Variants in TBC1D16 observed in about 807,000 individuals in gnomAD.
The protein encoded by TBC1D16 is CTD-2529O21.1.
A neutral mutation model predicts 74.7 loss-of-function variants in TBC1D16; 58 were observed. The observed-to-expected ratio is 0.78, with a 90% CI of 0.63 to 0.97. The LOEUF (loss-of-function observed/expected upper bound fraction) is 0.97, where lower values mean the gene tolerates loss of function less well. Ranked by LOEUF, TBC1D16 falls within the 50% of genes least tolerant of loss-of-function variation. The pLI, the probability that TBC1D16 is intolerant of heterozygous loss-of-function variation, is 0.00. For missense variants in TBC1D16, 1,014 were observed against 1,079.5 expected (o/e 0.94, Z 0.85); for synonymous variants, 493 against 474.7 (o/e 1.04, Z -0.50).
intron 1 of TBC1D16, among the ~76,000 whole-genome samples, chr17:80,034,694 T>C (rs1365038901): frequency 6.6e-6 from 1 of 152,246 alleles, no homozygotes; most frequent in Admixed American, 6.5e-5. Context: ...CTTAAAAGTG[T>C]TTAGTATTCA....
chr17:79,974,519 T>C (rs953530894), intron 3 of TBC1D16, among the ~76,000 whole-genome samples: 1 of 152,190 alleles, frequency 6.6e-6, no homozygotes, highest in African/African-American at 2.4e-5. Context: ...ATTACAGGTG[T>C]GAGCCACTGT....
chr17:80,019,781 TAATG>T (rs1055572902), intron 1 of TBC1D16, among the ~76,000 whole-genome samples: 2 of 149,804 alleles, frequency 1.3e-5, no homozygotes, highest in African/African-American at 5.1e-5. Flanking sequence ...TTGTGCCCTA[TAATG>T]AATGAGTTAA....
intron 3 of TBC1D16, among the ~76,000 whole-genome samples, chr17:80,004,218 C>T (rs1177993521): frequency 6.6e-6 from 1 of 152,222 alleles, no homozygotes. Flanking sequence ...TCTGTCTGCC[C>T]TGGCAGAAGC....
chr17:80,010,787 G>C lies in TBC1D16; in HGVS notation c.182-30C>G. The C allele has an allele frequency of 2.1e-6, 3 of 1,438,168 alleles. No individual in the cohort carries two copies. Among genetic ancestry groups the C allele is most frequent in the Non-Finnish European group, 2.8e-6 (3 of 1,089,006 alleles). The allele number at this position is 1,438,168 out of a possible 1,614,324, so 89.1% of individuals were successfully genotyped here. ...GAGGAGCCAGGGGGATGGCACGTTAGAGGCCAGGAGGCTGTGGATGAGGCC... is the reference window on the plus strand; with the variant it reads ...GAGGAGCCAGGGGGATGGCACGTTACAGGCCAGGAGGCTGTGGATGAGGCC... On this transcript the variant is annotated intron_variant, in intron 2 of 11. Transcript: ENST00000310924. This position sits in a 1 kb window ranked among gnomAD's most constrained non-coding sequence, Gnocchi z 8.8.
At chr17:79,952,118 C>G (rs932624321) in intron 4 of TBC1D16, 1 of 155,226 alleles carries the variant, frequency 6.4e-6, no homozygotes, top group Non-Finnish European at 1.4e-5. Context: ...GTCTGGGAAC[C>G]CCCCCAGCTT....
chr17:80,012,491 CT>C (rs935847955), intron 2 of TBC1D16, among the ~76,000 whole-genome samples: 1 of 152,084 alleles, frequency 6.6e-6, no homozygotes, highest in African/African-American at 2.4e-5. Flanking sequence ...ATAATTTAAA[CT>C]TTTGTCTTGT....
At position 80,008,241 on chromosome 17, in the gene TBC1D16, G is replaced by C. The variant is rs1198393011; in HGVS notation, c.779+1919C>G. On this transcript the variant is annotated intron_variant, in intron 3 of 11. Coordinates refer to ENST00000310924, the MANE Select transcript of TBC1D16 (RefSeq NM_019020.4). This position sits in a 1 kb window ranked among gnomAD's most constrained non-coding sequence, Gnocchi z 4.5. ...TGCATTCTCACAATACCCCCAGAAA[G>C]TGGATATTACCAGCCTCATCTTACA... is the stretch of plus-strand genomic sequence containing the variant. Among the ~76,000 whole-genome samples the C allele has an allele frequency of 6.6e-6, 1 of 152,148 alleles. No homozygotes were observed. Among genetic ancestry groups the C allele is most frequent in the Non-Finnish European group, 1.5e-5 (1 of 68,048 alleles).
intron 3 of TBC1D16, among the ~76,000 whole-genome samples, chr17:79,976,259 C>A (rs540911224): frequency 6.6e-6 from 1 of 152,190 alleles, no homozygotes; most frequent in Non-Finnish European, 1.5e-5. Context: ...TTGCTCACAC[C>A]GGCCCCTGCA....
intron 3 of TBC1D16, among the ~76,000 whole-genome samples, chr17:79,999,100 A>C (rs970477648): frequency 6.6e-6 from 1 of 152,060 alleles, no homozygotes; most frequent in African/African-American, 2.4e-5. Flanking sequence ...TAGTAAAAAT[A>C]CAAAAATTAG....
rs1344258348 is a variant in TBC1D16 at position 80,010,591 on chromosome 17, G to A, written c.348C>T (p.Thr116=). 1.4e-5 allele frequency: 23 copies of A among 1,591,590 alleles called. No homozygotes were observed. Among genetic ancestry groups the A allele is most frequent in the Non-Finnish European group, 2.0e-5 (23 of 1,171,404 alleles). ...RKAPRPRGRR[T]RSSGASHQPS... is the part of the protein sequence containing the mutation. ...GCTGGTGGGAGGCTCCTGAGCTCCG[G>A]GTGCGCCGGCCCCGAGGGCGGGGTG... The change falls in exon 3 of 12, where the codon ACC becomes ACT. Residue 116 remains threonine (T), a synonymous_variant. Transcript: ENST00000310924. This position sits in a 1 kb window ranked among gnomAD's most constrained non-coding sequence, Gnocchi z 8.8.
rs898612893 is a variant in TBC1D16 at position 79,936,923 on chromosome 17, T to C, written c.*3936A>G. The C allele has an allele frequency of 6.0e-3, 908 of 151,860 alleles. 3 individuals are homozygous for C. The highest frequency in any genetic ancestry group is 0.01 in the Middle Eastern group (3 of 294). 9.4% of individuals were successfully genotyped at this position (151,860 alleles called of 1,614,324 possible). A position where few individuals can be genotyped will look rare whatever the true frequency, so the allele number is the denominator to read the frequency against. On this transcript the variant is annotated 3_prime_UTR_variant, in exon 12 of 12. Transcript: ENST00000310924. ...GTGTGCATGTGCGTGTGTGTGTGTG[T>C]GTGTGTGTGTGTGTGTGCGCATTTT... is the stretch of plus-strand genomic sequence containing the variant.
chr17:80,019,049 CTG>C (rs765515999), intron 1 of TBC1D16, among the ~76,000 whole-genome samples: 11 of 150,252 alleles, frequency 7.3e-5, no homozygotes, highest in Non-Finnish European at 1.5e-4. Flanking sequence ...CCACCTCCTT[CTG>C]TGTTTCAAAT....
intron 7 of TBC1D16, 63 bp from the exon 8 acceptor site, chr17:79,949,069 A>G (rs919364115): frequency 6.2e-7 from 1 of 1,604,112 alleles, no homozygotes. Context: ...CGTGTGGCGC[A>G]CACACTGCAG....
intron 2 of TBC1D16, among the ~76,000 whole-genome samples, chr17:80,012,805 CCAGG>C (rs1179624797): frequency 3.3e-5 from 5 of 152,180 alleles, no homozygotes; most frequent in African/African-American, 1.2e-4. Flanking sequence ...CAGGCCACAG[CCAGG>C]CTGCAGGACA....
In TBC1D16 at chr17:79,975,594, A is replaced by T. The variant is rs1409526821; in HGVS notation, c.780-22776T>A. ...ATCAACGAGTGACAGAGGGTTGGGG[A>T]CTGGGGGGGTCGTGCATGAAGACAG... On this transcript the variant is annotated intron_variant, in intron 3 of 11. Transcript: ENST00000310924. The surrounding 1 kb of genome is among the most constrained non-coding windows in gnomAD (Gnocchi z 4.5). Among the ~76,000 whole-genome samples the T allele has an allele frequency of 6.6e-6, 1 of 152,114 alleles. No individual in the cohort carries two copies. Among genetic ancestry groups the T allele is most frequent in the Non-Finnish European group, 1.5e-5 (1 of 68,026 alleles).
At chr17:79,962,628 A>C (rs1300993011) in intron 3 of TBC1D16, among the ~76,000 whole-genome samples, 4 of 152,130 alleles carry the variant, frequency 2.6e-5, no homozygotes, top group Non-Finnish European at 5.9e-5. Context: ...CAAAAGCTCT[A>C]TACCTATTAA....
intron 3 of TBC1D16, among the ~76,000 whole-genome samples, chr17:79,953,456 C>T (rs937564656): frequency 9.8e-5 from 15 of 152,322 alleles, no homozygotes; most frequent in Admixed American, 5.9e-4. Context: ...TTAATCTTCA[C>T]AAAAATCCTC....
At position 80,018,792 on chromosome 17, in the gene TBC1D16, G is replaced by A. The variant is rs1035556927; in HGVS notation, c.-62-5183C>T. ...ATTTTTTTATTTTTTGTAGAGATGA[G>A]GTTTCACTTTTTTGCCCAGGCTGGT... On this transcript the variant is annotated intron_variant, in intron 1 of 11. Transcript: ENST00000310924. Among the ~76,000 whole-genome samples, 4 of 149,142 alleles carry A rather than the reference G, an allele frequency of 2.7e-5. 1 individual carries two copies. The highest frequency in any genetic ancestry group is 1.0e-4 in the African/African-American group (4 of 38,742).
At chr17:79,942,374 G>A (rs117516246) in intron 10 of TBC1D16, among the ~76,000 whole-genome samples, 168 bp from the exon 11 acceptor site, 14 of 152,252 alleles carry the variant, frequency 9.2e-5, no homozygotes, top group East Asian at 5.8e-4. Context: ...CCGCCTCTTC[G>A]GCCCTAAGTT....
Sources: gnomAD v4.1 joint callset for allele counts (sites outside exome capture counted in the v4.1 genomes callset) on GRCh38, gnomAD v4.1.1 for gene constraint, Gnocchi (gnomAD v3.1) non-coding constraint, MANE v1.5 for transcripts, NCBI Gene and HGNC (gene_info 2026-07-23, HGNC 2026-07-21) for gene names.